Variants in PCDHA7 observed in about 807,000 individuals in gnomAD.
PCDHA7 encodes protocadherin alpha 7, also known as protocadherin alpha-7.
Under a neutral mutation model 57.2 loss-of-function variants are expected in PCDHA7, and 37 were observed. The ratio of observed to expected loss-of-function variants is 0.65; its 90% CI spans 0.50 to 0.85. The LOEUF (loss-of-function observed/expected upper bound fraction) is 0.85, where lower values mean the gene tolerates loss of function less well. Among genes scored for constraint, PCDHA7 ranks in the 40% least tolerant of loss-of-function variants. The pLI, the probability that PCDHA7 is intolerant of heterozygous loss-of-function variation, is 0.00. For synonymous variants in PCDHA7, 553 were observed against 558.8 expected (o/e 0.99, Z 0.15); for missense variants, 1,188 against 1,241.8 (o/e 0.96, Z 0.65).
intron 1 of PCDHA7, among the ~76,000 whole-genome samples, chr5:140,935,973 A>C (rs956262031): frequency 1.3e-5 from 2 of 150,786 alleles, no homozygotes; most frequent in Admixed American, 1.3e-4. Flanking sequence ...GCTCACTGCA[A>C]TCTCTGCCTC....
At chr5:140,985,608 G>A (rs76669319) in intron 3 of PCDHA7, among the ~76,000 whole-genome samples, 1,553 of 152,166 alleles carry the variant, frequency 0.01, 12 homozygotes, top group Middle Eastern at 0.054. Context: ...AGCCCTTTCC[G>A]TGAACCAGCT....
At chr5:140,868,894 G>T in intron 1 of PCDHA7, 6 of 771,428 alleles carry the variant, frequency 7.8e-6, no homozygotes, top group Non-Finnish European at 1.2e-5. Flanking sequence ...TTAGGCGCAA[G>T]GTGTCGCTCT....
chr5:140,896,406 C>CT (rs35238776), intron 1 of PCDHA7, among the ~76,000 whole-genome samples: 1 of 152,100 alleles, frequency 6.6e-6, no homozygotes, highest in Non-Finnish European at 1.5e-5. Flanking sequence ...TTATTTTTGA[C>CT]TTTTTAGTAA....
At chr5:140,863,619 G>T (rs929497963) in intron 1 of PCDHA7, 8 of 333,052 alleles carry the variant, frequency 2.4e-5, no homozygotes, top group South Asian at 1.3e-4. Context: ...CCCTCATAGT[G>T]ACATTGATAA....
chr5:140,928,313 T>TG (rs1554205740), intron 1 of PCDHA7: 1 of 1,614,172 alleles, frequency 6.2e-7, no homozygotes, highest in Non-Finnish European at 8.5e-7. Flanking sequence ...GACCCCGACC[T>TG]GGGGAAGAAT....
chr5:140,970,019 A>G (rs1385793747), intron 1 of PCDHA7, among the ~76,000 whole-genome samples: 2 of 152,212 alleles, frequency 1.3e-5, no homozygotes, highest in Non-Finnish European at 2.9e-5. Context: ...ATGGTGAGGC[A>G]GAGAGATTAA....
intron 1 of PCDHA7, among the ~76,000 whole-genome samples, chr5:140,880,084 T>C (rs1554171167): frequency 6.6e-6 from 1 of 152,208 alleles, no homozygotes. Context: ...CAACCTATTA[T>C]AGTAGGCTTA....
intron 1 of PCDHA7, chr5:140,862,055 T>A (rs562841635): frequency 6.4e-6 from 1 of 155,712 alleles, no homozygotes; most frequent in East Asian, 1.9e-4. Context: ...ATTGTTTCTT[T>A]GCAACTGATG....
rs181226204 is a variant in PCDHA7 at position 140,840,969 on chromosome 5, A to C, written c.2355+4231A>C. On this transcript the variant is annotated intron_variant, in intron 1 of 3. Transcript: ENST00000525929. ...TTGGGAAGAAATTCCTTTCCTTATG[A>C]AGAAGAAATCCCTAGCTGAAACTAA... 5.9e-5 allele frequency among the ~76,000 whole-genome samples: 9 copies of C among 152,188 alleles called. No individual in the cohort carries two copies. The East Asian group carries it at 1.7e-3, about 29-fold the overall frequency.
At chr5:140,885,970 A>G (rs1554182306) in intron 1 of PCDHA7, among the ~76,000 whole-genome samples, 1 of 152,122 alleles carries the variant, frequency 6.6e-6, no homozygotes, top group Non-Finnish European at 1.5e-5. Flanking sequence ...TTTTGAGATA[A>G]TTATAGATTC....
At chr5:140,885,736 C>T (rs1457106867) in intron 1 of PCDHA7, among the ~76,000 whole-genome samples, 1 of 152,060 alleles carries the variant, frequency 6.6e-6, no homozygotes, top group African/African-American at 2.4e-5. Context: ...AATGATATTT[C>T]ACTGTTACTT....
intron 1 of PCDHA7, among the ~76,000 whole-genome samples, chr5:140,844,486 G>T (rs1279388855): frequency 6.7e-6 from 1 of 148,992 alleles, no homozygotes; most frequent in Non-Finnish European, 1.5e-5. Context: ...CTATGTTTAG[G>T]AAATGATTAC....
chr5:140,900,496 C>G (rs1476220010), intron 1 of PCDHA7, among the ~76,000 whole-genome samples: 2 of 152,212 alleles, frequency 1.3e-5, no homozygotes, highest in Admixed American at 6.5e-5. Flanking sequence ...AGACTGGTCT[C>G]AAATTCCCAG....
intron 1 of PCDHA7, chr5:140,851,015 G>A: frequency 2.1e-6 from 3 of 1,432,294 alleles, no homozygotes; most frequent in Non-Finnish European, 1.8e-6. Context: ...TTTTTTTTCT[G>A]ATAAAGTAAA....
At chr5:140,907,099 C>T (rs2073164781) in intron 1 of PCDHA7, among the ~76,000 whole-genome samples, 1 of 152,108 alleles carries the variant, frequency 6.6e-6, no homozygotes, top group Admixed American at 6.5e-5. Flanking sequence ...GGTGCCACTT[C>T]CACTTCCACC....
At chr5:140,945,206 A>G (rs148955371) in intron 1 of PCDHA7, among the ~76,000 whole-genome samples, 1 of 152,282 alleles carries the variant, frequency 6.6e-6, no homozygotes, top group East Asian at 1.9e-4. Context: ...TACAATAGCT[A>G]TGAGAAAATA....
chr5:140,884,123 C>A (rs1360744073), intron 1 of PCDHA7: 4 of 1,613,232 alleles, frequency 2.5e-6, no homozygotes, highest in Non-Finnish European at 3.4e-6. Context: ...GGTCGGCGCG[C>A]GCATCCCGTT....
rs2150270290 is a variant in PCDHA7, at chr5:140,836,802, A to T, written c.2355+64A>T. ...CAATTAGTTCAATTGGTCTCCTTAA[A>T]TTTTCTTTCATAATTTCTTTTTTAG... is the stretch of plus-strand genomic sequence containing the variant. On this transcript the variant is annotated intron_variant, in intron 1 of 3. Coordinates refer to ENST00000525929, the MANE Select transcript of PCDHA7 (RefSeq NM_018910.3). 6 of 1,309,186 alleles carry T rather than the reference A, an allele frequency of 4.6e-6. No homozygotes were observed. In the African/African-American group the frequency reaches 7.5e-5, roughly 16 times the overall value. 81.1% of individuals were successfully genotyped at this position (1,309,186 alleles called of 1,614,324 possible). A position where few individuals can be genotyped will look rare whatever the true frequency, so the allele number is the denominator to read the frequency against.
chr5:140,998,003 T>C (rs2097793100), intron 3 of PCDHA7, among the ~76,000 whole-genome samples: 1 of 152,134 alleles, frequency 6.6e-6, no homozygotes, highest in Admixed American at 6.6e-5. Context: ...CCTCTGAGCC[T>C]TCCATCCCCA....
Sources: allele counts gnomAD v4.1 joint callset (sites outside exome capture counted in the v4.1 genomes callset), GRCh38; gene constraint gnomAD v4.1.1; transcripts MANE v1.5; gene names NCBI Gene and HGNC (gene_info 2026-07-23, HGNC 2026-07-21).